Variants in CNTN3 observed in about 807,000 individuals in gnomAD.
The protein encoded by CNTN3 is contactin-3.
In CNTN3, 60 loss-of-function variants were observed where a neutral mutation model predicts 119.1. That is an observed-to-expected ratio of 0.50 (90% CI 0.41 to 0.62). CNTN3 has a LOEUF of 0.62. Ranked by LOEUF, CNTN3 falls within the 20% of genes least tolerant of loss-of-function variation. CNTN3 has a pLI of 0.00. For missense variants in CNTN3, 1,101 were observed against 1,242.4 expected (o/e 0.89, Z 1.71); for synonymous variants, 450 against 438.7 (o/e 1.03, Z -0.32).
chr3:74,556,044 G>A (rs1232936900), intron 1 of CNTN3, among the ~76,000 whole-genome samples: 1 of 151,904 alleles, frequency 6.6e-6, no homozygotes, highest in African/African-American at 2.4e-5. Context: ...GTCTATTTTT[G>A]TTAACAGCCC....
At chr3:74,554,992 GT>G (rs1704047751) in intron 1 of CNTN3, among the ~76,000 whole-genome samples, 1 of 152,152 alleles carries the variant, frequency 6.6e-6, no homozygotes, top group Non-Finnish European at 1.5e-5. Flanking sequence ...TCTTGTGCCG[GT>G]TTTCAAAGGG....
At chr3:74,401,230 T>G (rs1418174106) in intron 5 of CNTN3, among the ~76,000 whole-genome samples, 1 of 152,184 alleles carries the variant, frequency 6.6e-6, no homozygotes, top group African/African-American at 2.4e-5. Context: ...CTTAATTTAC[T>G]CTTGAAACTC....
In CNTN3 at chr3:74,557,209, C is replaced by G. The variant is rs529845754; in HGVS notation, c.-80-36017G>C. On this transcript the variant is annotated intron_variant, in intron 1 of 22. Transcript: ENST00000263665. ...AATGTCATATCTAAGAAACCCATGC[C>G]TAAATCAAGGTCCTGAAGATTTATA... 1.1e-4 allele frequency among the ~76,000 whole-genome samples: 17 copies of G among 152,144 alleles called. No individual in the cohort carries two copies. In the East Asian group the frequency reaches 3.1e-3, roughly 28 times the overall value.
chr3:74,516,045 CA>C (rs1408244670), intron 2 of CNTN3, among the ~76,000 whole-genome samples: 4 of 151,928 alleles, frequency 2.6e-5, no homozygotes, highest in Non-Finnish European at 5.9e-5. Context: ...GAAGAATGTA[CA>C]ACACACCATA....
chr3:74,352,679 A>T (rs979982466), intron 11 of CNTN3, among the ~76,000 whole-genome samples: 7 of 152,190 alleles, frequency 4.6e-5, no homozygotes, highest in African/African-American at 1.7e-4. Context: ...ATAAATTAGA[A>T]AACAACATGG....
chr3:74,423,169 A>T (rs1425098115), intron 5 of CNTN3, among the ~76,000 whole-genome samples: 4 of 152,244 alleles, frequency 2.6e-5, no homozygotes, highest in Non-Finnish European at 4.4e-5. Flanking sequence ...CAACGGATTG[A>T]GTTTTCAGGG....
chr3:74,483,129 A>G (rs529590746), intron 4 of CNTN3, among the ~76,000 whole-genome samples: 2 of 152,268 alleles, frequency 1.3e-5, no homozygotes, highest in South Asian at 4.1e-4. Flanking sequence ...AACAAAAAAT[A>G]TAATTTCACT....
At chr3:74,427,544 C>T (rs995089075) in intron 4 of CNTN3, among the ~76,000 whole-genome samples, 6 of 152,158 alleles carry the variant, frequency 3.9e-5, no homozygotes, top group South Asian at 2.1e-4. Context: ...ATTATATGTG[C>T]CACCCAAATG....
Position 74,486,475 on chromosome 3 carries a change from T to C in CNTN3, c.339A>G (p.Glu113=). The change falls in exon 4 of 23, where the codon GAA becomes GAG. Residue 113 remains glutamate (E), a synonymous_variant. Transcript: ENST00000263665. The part of the protein sequence containing the change: ...TNSLGTIVSR[E]AKLQFAYLEN... The stretch of plus-strand genomic sequence containing the variant: ...ACTTACAGGCAAACTGAAGTTTGGC[T>C]TCTCTGCTGACAATTGTTCCAAGTG... 6.2e-7 allele frequency: 1 copy of C among 1,601,212 alleles called. No homozygotes were observed. Among genetic ancestry groups the C allele is most frequent in the Non-Finnish European group, 8.5e-7 (1 of 1,177,100 alleles).
chr3:74,413,445 G>C (rs566492021), intron 5 of CNTN3, among the ~76,000 whole-genome samples: 2 of 152,096 alleles, frequency 1.3e-5, no homozygotes, highest in Non-Finnish European at 2.9e-5. Flanking sequence ...ATTTAACTTA[G>C]CCACGGTTAG....
chr3:74,400,534 C>T (rs73112727), intron 5 of CNTN3, among the ~76,000 whole-genome samples: 228 of 152,248 alleles, frequency 1.5e-3, no homozygotes, highest in Non-Finnish European at 2.7e-3. Flanking sequence ...AAGTTTTATA[C>T]GAACGTGCAC....
chr3:74,438,756 G>C (rs1476771283), intron 4 of CNTN3, among the ~76,000 whole-genome samples: 1 of 152,152 alleles, frequency 6.6e-6, no homozygotes, highest in Non-Finnish European at 1.5e-5. Flanking sequence ...AGTCATTGAG[G>C]CTGTTTAGAA....
At chr3:74,449,932 C>T (rs1163909578) in intron 4 of CNTN3, among the ~76,000 whole-genome samples, 1 of 152,008 alleles carries the variant, frequency 6.6e-6, no homozygotes, top group Non-Finnish European at 1.5e-5. Context: ...ATATATTTCT[C>T]AAAAAGCATG....
intron 1 of CNTN3, among the ~76,000 whole-genome samples, chr3:74,543,223 A>T (rs1703866587): frequency 6.6e-6 from 1 of 152,226 alleles, no homozygotes; most frequent in African/African-American, 2.4e-5. Flanking sequence ...TAAACAATCA[A>T]GATAAAATTG....
intron 1 of CNTN3, among the ~76,000 whole-genome samples, chr3:74,582,814 T>TGA (rs1704536050): frequency 6.7e-6 from 1 of 149,220 alleles, no homozygotes; most frequent in African/African-American, 2.5e-5. Context: ...TGTGTGTGTG[T>TGA]GACCCTACGA....
rs182131025 is a variant in CNTN3, at chr3:74,478,009, T to C, written c.358+8447A>G. Among the ~76,000 whole-genome samples, 18 of 152,266 alleles carry C rather than the reference T, an allele frequency of 1.2e-4. No individual in the cohort carries two copies. The East Asian group carries it at 1.7e-3, about 15-fold the overall frequency. On this transcript the variant is annotated intron_variant, in intron 4 of 22. Coordinates refer to ENST00000263665, the MANE Select transcript of CNTN3 (RefSeq NM_020872.3). ...GGAAACACAGAAGTCATTTCTCTCT[T>C]AGTCCTGAAATATTCCCAAACTAGG... is the stretch of plus-strand genomic sequence containing the variant.
intron 11 of CNTN3, among the ~76,000 whole-genome samples, chr3:74,354,155 G>A (rs1703880717): frequency 6.6e-6 from 1 of 151,716 alleles, no homozygotes; most frequent in South Asian, 2.1e-4. Flanking sequence ...ATTCATATTT[G>A]GAAAAAAATT....
intron 1 of CNTN3, among the ~76,000 whole-genome samples, chr3:74,537,547 G>T (rs775271203): frequency 6.6e-6 from 1 of 152,178 alleles, no homozygotes. Context: ...AGACTCAATG[G>T]CATCTTTGCC....
At chr3:74,480,693 C>A (rs13061731) in intron 4 of CNTN3, among the ~76,000 whole-genome samples, 2 of 32,698 alleles carry the variant, frequency 6.1e-5, no homozygotes, top group Non-Finnish European at 2.3e-4. Flanking sequence ...TATTTCTGAT[C>A]TAGAAGATAA....
Sources: allele counts gnomAD v4.1 joint callset (sites outside exome capture counted in the v4.1 genomes callset), GRCh38; gene constraint gnomAD v4.1.1; transcripts MANE v1.5; gene names NCBI Gene and HGNC (gene_info 2026-07-23, HGNC 2026-07-21).